Variants in NFIB observed in about 807,000 individuals in gnomAD.
NFIB encodes the protein nuclear factor 1 B-type.
Under a neutral mutation model 61.5 loss-of-function variants are expected in NFIB, and 11 were observed. The ratio of observed to expected loss-of-function variants is 0.18; its 90% CI spans 0.11 to 0.30. The LOEUF (loss-of-function observed/expected upper bound fraction) is 0.30, where lower values mean the gene tolerates loss of function less well. Among genes scored for constraint, NFIB ranks in the 10% least tolerant of loss-of-function variants. The pLI, the probability that NFIB is intolerant of heterozygous loss-of-function variation, is 1.00. For synonymous variants in NFIB, 260 were observed against 216.5 expected, an observed-to-expected ratio of 1.20 and a Z score of -1.76; for missense variants, 471 against 608.9, an observed-to-expected ratio of 0.77 and a Z score of 2.38.
intron 2 of NFIB, among the ~76,000 whole-genome samples, chr9:14,258,816 A>G (rs1459077096): frequency 1.3e-5 from 2 of 152,220 alleles, no homozygotes; most frequent in African/African-American, 4.8e-5. Context: ...AACAAAATAC[A>G]TAAACACACA....
the NFIB span, among the ~76,000 whole-genome samples, chr9:14,485,637 G>C: frequency 6.6e-6 from 1 of 152,124 alleles, no homozygotes. Context: ...CACTTTGAGA[G>C]GCCAATGTAG....
chr9:14,105,526 T>C (rs1017547060), intron 10 of NFIB, among the ~76,000 whole-genome samples: 1 of 152,124 alleles, frequency 6.6e-6, no homozygotes, highest in African/African-American at 2.4e-5. Context: ...TTCATGTTGG[T>C]TTTTTTCAAT....
intron 9 of NFIB, among the ~76,000 whole-genome samples, chr9:14,114,891 GT>G (rs1322527985): frequency 1.3e-5 from 2 of 152,200 alleles, no homozygotes; most frequent in African/African-American, 2.4e-5. Flanking sequence ...GCTCAAAGAT[GT>G]GAAGACATCC....
intron 3 of NFIB, among the ~76,000 whole-genome samples, chr9:14,160,629 C>G (rs1417504066): frequency 6.6e-6 from 1 of 152,028 alleles, no homozygotes; most frequent in Non-Finnish European, 1.5e-5. Context: ...GCAAAGGTAG[C>G]ATAACCAATA....
At chr9:14,293,192 T>C (rs1418521141) in intron 2 of NFIB, among the ~76,000 whole-genome samples, 6 of 152,224 alleles carry the variant, frequency 3.9e-5, no homozygotes, top group Non-Finnish European at 5.9e-5. Context: ...TTCCAAAATA[T>C]TGCCCATAAC....
chr9:14,286,896 C>A (rs117073480), intron 2 of NFIB, among the ~76,000 whole-genome samples: 3 of 152,238 alleles, frequency 2.0e-5, no homozygotes, highest in East Asian at 1.9e-4. Context: ...ATGTGCACAA[C>A]ATAATCAACA....
At chr9:14,254,252 G>A (rs1286581711) in intron 2 of NFIB, among the ~76,000 whole-genome samples, 1 of 151,990 alleles carries the variant, frequency 6.6e-6, no homozygotes, top group Admixed American at 6.5e-5. Context: ...AGCGAGCCAT[G>A]ATCACACCAC....
intron 2 of NFIB, among the ~76,000 whole-genome samples, chr9:14,206,174 TCTC>T (rs2049675691): frequency 2.1e-5 from 3 of 139,890 alleles, no homozygotes; most frequent in Admixed American, 7.4e-5. Flanking sequence ...TAACTCTCTC[TCTC>T]TTTTTTTTTT....
chr9:14,268,305 C>A (rs553417006), intron 2 of NFIB, among the ~76,000 whole-genome samples: 44 of 152,208 alleles, frequency 2.9e-4, no homozygotes, highest in African/African-American at 1.1e-3. Context: ...AATATAACAG[C>A]TTGAAAGCTT....
the NFIB span, among the ~76,000 whole-genome samples, chr9:14,442,422 T>G: frequency 2.0e-5 from 3 of 152,130 alleles, no homozygotes; most frequent in African/African-American, 7.2e-5. Context: ...AAATGTCCAG[T>G]AAAACACGGC....
intron 2 of NFIB, among the ~76,000 whole-genome samples, chr9:14,241,022 C>G (rs2054288794): frequency 6.6e-6 from 1 of 152,194 alleles, no homozygotes; most frequent in South Asian, 2.1e-4. Context: ...CTTCTCTACT[C>G]TCACAGTAAT....
At chr9:14,487,870 T>A in the NFIB span, among the ~76,000 whole-genome samples, 1 of 152,078 alleles carries the variant, frequency 6.6e-6, no homozygotes, top group Non-Finnish European at 1.5e-5. Flanking sequence ...AGGATTTCAG[T>A]CAGGGGCATG....
At chr9:14,463,961 C>G in the NFIB span, among the ~76,000 whole-genome samples, 1 of 152,184 alleles carries the variant, frequency 6.6e-6, no homozygotes, top group Non-Finnish European at 1.5e-5. Flanking sequence ...CGCCTGGCCT[C>G]TCCCTGCTTT....
At position 14,120,761 on chromosome 9, in the gene NFIB, A is replaced by G. The variant is rs2038818371; in HGVS notation, c.1061-137T>C. 1.2e-6 allele frequency: 1 copy of G among 808,292 alleles called. No individual in the cohort carries two copies. The allele number at this position is 808,292 out of a possible 1,614,324, so 50.1% of individuals were successfully genotyped here. A position where few individuals can be genotyped will look rare whatever the true frequency, so the allele number is the denominator to read the frequency against. On this transcript the variant is annotated intron_variant, in intron 7 of 10. Transcript: ENST00000380953. This position sits in a 1 kb window ranked among gnomAD's most constrained non-coding sequence, Gnocchi z 4.4. ...CCCCATGATTTAACCAAGCTCTCCT[A>G]AATCAACAGTTACTTTTTCATTTTT...
chr9:14,222,738 GTGAGCCATGATCACACCACTGCACTCC>G (rs1481707170), intron 2 of NFIB, among the ~76,000 whole-genome samples: 1 of 129,896 alleles, frequency 7.7e-6, no homozygotes, highest in Non-Finnish European at 1.5e-5. Flanking sequence ...CAAGGCTACA[GTGAGCCATGATCACACCACTGCACTCC>G]AGCCTGGGCA....
At chr9:14,206,695 C>CAAAA (rs889983433) in intron 2 of NFIB, among the ~76,000 whole-genome samples, 6 of 71,260 alleles carry the variant, frequency 8.4e-5, no homozygotes, top group Non-Finnish European at 9.7e-5. Flanking sequence ...ACATGCTTTA[C>CAAAA]AAAAAAAAAA....
At chr9:14,463,064 T>C in the NFIB span, among the ~76,000 whole-genome samples, 1 of 152,116 alleles carries the variant, frequency 6.6e-6, no homozygotes, top group South Asian at 2.1e-4. Context: ...TTTAATAAAA[T>C]TTAATAATAA....
the NFIB span, among the ~76,000 whole-genome samples, chr9:14,444,468 G>A: frequency 2.0e-5 from 3 of 152,152 alleles, no homozygotes; most frequent in Non-Finnish European, 4.4e-5. Context: ...AAAGTCATAA[G>A]CATAATGGTA....
intron 2 of NFIB, among the ~76,000 whole-genome samples, chr9:14,206,542 T>C (rs1270421678): frequency 1.3e-5 from 2 of 151,954 alleles, no homozygotes; most frequent in Non-Finnish European, 2.9e-5. Context: ...TGCTGACTTA[T>C]TACCTTTTCT....
Sources: gnomAD v4.1 joint callset for allele counts (sites outside exome capture counted in the v4.1 genomes callset) on GRCh38, gnomAD v4.1.1 for gene constraint, Gnocchi (gnomAD v3.1) non-coding constraint, MANE v1.5 for transcripts, NCBI Gene and HGNC (gene_info 2026-07-23, HGNC 2026-07-21) for gene names.